The following TRHDE variants were observed in gnomAD, a reference collection of about 807,000 sequenced individuals.
TRHDE encodes the protein thyrotropin releasing hormone degrading enzyme.
A neutral mutation model predicts 125.7 loss-of-function variants in TRHDE; 72 were observed. That is an observed-to-expected ratio of 0.57 (90% CI 0.47 to 0.70). The LOEUF is 0.70. TRHDE is among the 30% of genes least tolerant of loss of function. The pLI is 0.00. For missense variants in TRHDE, 1,110 were observed against 1,327.1 expected, an observed-to-expected ratio of 0.84 and a Z score of 2.54; for synonymous variants, 509 against 509.1, an observed-to-expected ratio of 1.00 and a Z score of 0.00.
chr12:72,341,947 A>C (rs1870104967), intron 2 of TRHDE, among the ~76,000 whole-genome samples: 1 of 152,138 alleles, frequency 6.6e-6, no homozygotes, highest in Non-Finnish European at 1.5e-5. Context: ...ACTAGTCTAC[A>C]GAAATGACAA....
At chr12:72,595,403 C>T (rs778419747) in intron 12 of TRHDE, among the ~76,000 whole-genome samples, 32 of 151,986 alleles carry the variant, frequency 2.1e-4, no homozygotes, top group Admixed American at 5.9e-4. Context: ...ATTGTAAATA[C>T]GTTTAAAACT....
rs1484438422 is a variant in TRHDE at position 72,148,754 on chromosome 12, CT to C, written n.279+43003del. On this transcript the variant is annotated intron_variant and non_coding_transcript_variant, in intron 2 of 4. Coordinates refer to the TRHDE transcript ENST00000548156. ...GGTCTTCCAAGCACGTTTCAATCTC[CT>C]ATGAATTCATCCTTGCAAGTTTTCT... 2.0e-5 allele frequency among the ~76,000 whole-genome samples: 3 copies of C among 152,304 alleles called. No homozygotes were observed. The East Asian group carries it at 5.8e-4, about 29-fold the overall frequency.
intron 2 of TRHDE, among the ~76,000 whole-genome samples, chr12:72,224,698 A>G (rs1337382255): frequency 6.6e-6 from 1 of 152,166 alleles, no homozygotes; most frequent in Non-Finnish European, 1.5e-5. Flanking sequence ...TCAACAAGCT[A>G]TAATTCAGTA....
At chr12:72,483,881 G>T (rs562190968) in intron 5 of TRHDE, among the ~76,000 whole-genome samples, 2 of 152,018 alleles carry the variant, frequency 1.3e-5, no homozygotes, top group South Asian at 4.1e-4. Context: ...TACAAAAATG[G>T]TTTGTTTTAT....
At chr12:72,469,712 T>C (rs766432049) in intron 3 of TRHDE, 46 bp from the exon 4 acceptor site, 8 of 1,576,182 alleles carry the variant, frequency 5.1e-6, no homozygotes, top group Non-Finnish European at 6.9e-6. Context: ...ATTCAGAATC[T>C]GGTGTCTTTG....
chr12:72,160,277 C>A (rs1048895117), intron 2 of TRHDE, among the ~76,000 whole-genome samples: 3 of 152,132 alleles, frequency 2.0e-5, no homozygotes, highest in African/African-American at 7.2e-5. Context: ...GTGTGGTCCA[C>A]AAAACAGCAG....
chr12:72,321,656 A>G (rs2135710945), intron 2 of TRHDE, among the ~76,000 whole-genome samples: 1 of 152,242 alleles, frequency 6.6e-6, no homozygotes, highest in African/African-American at 2.4e-5. Context: ...ATGTATATAC[A>G]TTATGTTCTA....
chr12:72,421,905 A>C (rs980690145), intron 3 of TRHDE, among the ~76,000 whole-genome samples: 1 of 152,162 alleles, frequency 6.6e-6, no homozygotes, highest in Non-Finnish European at 1.5e-5. Context: ...TTATATACTC[A>C]TATATCCTAT....
chr12:72,433,666 A>G (rs1874600079), intron 3 of TRHDE, among the ~76,000 whole-genome samples: 1 of 152,106 alleles, frequency 6.6e-6, no homozygotes. Flanking sequence ...TCACACATAC[A>G]AAAGCTACCT....
chr12:72,602,921 G>A (rs573758395), intron 12 of TRHDE, among the ~76,000 whole-genome samples: 1 of 152,246 alleles, frequency 6.6e-6, no homozygotes, highest in South Asian at 2.1e-4. Context: ...TTCAACTATG[G>A]ATGGTATTTA....
In TRHDE at chr12:72,563,049, T is replaced by G. The variant is rs769747157; in HGVS notation, c.2042+9T>G. 10 of 1,553,166 alleles carry G rather than the reference T, an allele frequency of 6.4e-6. No homozygotes were observed. In the South Asian group the frequency reaches 1.2e-4, roughly 19 times the overall value. On this transcript the variant is annotated intron_variant, in intron 9 of 18. Coordinates refer to ENST00000261180, the MANE Select transcript of TRHDE (RefSeq NM_013381.3). Reference sequence around the variant, plus strand: ...AAACTTCAGAATAACAGGTATGACATTCTTTTTTACGTGAAAAATATTGTT... The same window carrying G: ...AAACTTCAGAATAACAGGTATGACAGTCTTTTTTACGTGAAAAATATTGTT...
intron 2 of TRHDE, among the ~76,000 whole-genome samples, chr12:72,138,143 G>A (rs1268535576): frequency 3.3e-5 from 5 of 152,140 alleles, no homozygotes; most frequent in African/African-American, 9.7e-5. Flanking sequence ...TTGGGAGACC[G>A]AGGTGGGTGG....
intron 15 of TRHDE, among the ~76,000 whole-genome samples, chr12:72,640,619 A>T (rs1443465052): frequency 6.6e-6 from 1 of 151,772 alleles, no homozygotes; most frequent in Admixed American, 6.6e-5. Context: ...TTAGAAATGG[A>T]GCTCTGAGTT....
chr12:72,347,041 T>A (rs1302016285), intron 2 of TRHDE, among the ~76,000 whole-genome samples: 1 of 152,110 alleles, frequency 6.6e-6, no homozygotes, highest in Non-Finnish European at 1.5e-5. Context: ...TTTTTAAGGA[T>A]GCCAGTGATA....
intron 1 of TRHDE, among the ~76,000 whole-genome samples, chr12:72,282,962 A>G (rs4312105): frequency 0.1 from 15,664 of 152,160 alleles, 2,493 homozygotes; most frequent in African/African-American, 0.34. Flanking sequence ...TCAAGGCACA[A>G]GACAGTCCCC....
chr12:72,422,193 C>G (rs984595438), intron 3 of TRHDE, among the ~76,000 whole-genome samples: 3 of 152,048 alleles, frequency 2.0e-5, no homozygotes, highest in African/African-American at 7.2e-5. Context: ...GTTCTTAGAA[C>G]AGTGACAAGA....
At chr12:72,607,551 C>A (rs1024440224) in intron 12 of TRHDE, among the ~76,000 whole-genome samples, 2 of 151,908 alleles carry the variant, frequency 1.3e-5, no homozygotes, top group Non-Finnish European at 2.9e-5. Flanking sequence ...TGATGGTTTT[C>A]TTTATTTTTC....
chr12:72,632,811 A>T (rs1052264109), intron 15 of TRHDE, among the ~76,000 whole-genome samples: 1 of 147,476 alleles, frequency 6.8e-6, no homozygotes. Flanking sequence ...GGTCTTTATC[A>T]TTCTTGCCTT....
At chr12:72,239,349 T>C (rs1878429268) in intron 2 of TRHDE, among the ~76,000 whole-genome samples, 3 of 152,220 alleles carry the variant, frequency 2.0e-5, no homozygotes, top group African/African-American at 7.2e-5. Flanking sequence ...CTGTTCACTC[T>C]GATGATAGTT....
Sources: gnomAD v4.1 joint callset for allele counts (sites outside exome capture counted in the v4.1 genomes callset) on GRCh38, gnomAD v4.1.1 for gene constraint, MANE v1.5 for transcripts, NCBI Gene and HGNC (gene_info 2026-07-23, HGNC 2026-07-21) for gene names.